EPHA6: variants seen among roughly 807,000 people sequenced by gnomAD.
EPHA6 encodes EPH receptor A6.
EPHA6 carries 50 observed loss-of-function variants against 112.0 expected under a neutral mutation model. That is an observed-to-expected ratio of 0.45 (90% confidence interval 0.36 to 0.56). EPHA6 has a LOEUF of 0.56. EPHA6 is among the 20% of genes least tolerant of loss of function. The pLI is 0.00. For synonymous variants in EPHA6, 529 were observed against 490.7 expected, an observed-to-expected ratio of 1.08 and a Z score of -1.03; for missense variants, 1,280 against 1,417.4, an observed-to-expected ratio of 0.90 and a Z score of 1.56.
chr3:97,270,863 C>A (rs2079854673), intron 5 of EPHA6, among the ~76,000 whole-genome samples: 2 of 152,160 alleles, frequency 1.3e-5, no homozygotes, highest in Admixed American at 1.3e-4. Context: ...CAGTAGTTAT[C>A]ATTGTACAAC....
intron 3 of EPHA6, among the ~76,000 whole-genome samples, chr3:97,191,105 A>C (rs1380048284): frequency 6.6e-6 from 1 of 152,016 alleles, no homozygotes; most frequent in Non-Finnish European, 1.5e-5. Flanking sequence ...AACTGCTTAG[A>C]ATAATTTGTA....
At chr3:97,187,497 G>C (rs969297518) in intron 3 of EPHA6, among the ~76,000 whole-genome samples, 3 of 151,584 alleles carry the variant, frequency 2.0e-5, no homozygotes, top group Non-Finnish European at 4.4e-5. Flanking sequence ...TTGAGCCCAG[G>C]GGGGCAGAGG....
chr3:97,331,799 C>T (rs974688676), intron 5 of EPHA6, among the ~76,000 whole-genome samples: 1 of 151,874 alleles, frequency 6.6e-6, no homozygotes, highest in East Asian at 1.9e-4. Context: ...GATTCACAGC[C>T]GAATTCACAG....
chr3:97,320,259 A>G (rs954455445), intron 5 of EPHA6, among the ~76,000 whole-genome samples: 1 of 152,104 alleles, frequency 6.6e-6, no homozygotes, highest in African/African-American at 2.4e-5. Context: ...GATATTGTTA[A>G]GGTTTTCTAC....
intron 4 of EPHA6, among the ~76,000 whole-genome samples, chr3:97,240,596 G>A (rs1244797372): frequency 6.6e-6 from 1 of 151,776 alleles, no homozygotes; most frequent in Middle Eastern, 3.4e-3. Context: ...TTTGTTTATG[G>A]GTTTAACATA....
At chr3:97,521,185 A>T (rs2092537137) in intron 10 of EPHA6, among the ~76,000 whole-genome samples, 1 of 147,564 alleles carries the variant, frequency 6.8e-6, no homozygotes, top group African/African-American at 2.5e-5. Flanking sequence ...TTTTTCTCTG[A>T]TTTTATAAAT....
At chr3:97,242,998 T>G (rs2078891570) in intron 4 of EPHA6, among the ~76,000 whole-genome samples, 1 of 151,858 alleles carries the variant, frequency 6.6e-6, no homozygotes, top group Non-Finnish European at 1.5e-5. Context: ...AATATTTGTT[T>G]AATGAACATT....
chr3:97,574,434 T>C (rs1205037770), intron 11 of EPHA6, among the ~76,000 whole-genome samples: 1 of 152,096 alleles, frequency 6.6e-6, no homozygotes, highest in Non-Finnish European at 1.5e-5. Flanking sequence ...AGAAACTGTG[T>C]ATTATTAGCA....
At chr3:97,013,624 A>G (rs986834396) in intron 3 of EPHA6, among the ~76,000 whole-genome samples, 2 of 152,192 alleles carry the variant, frequency 1.3e-5, no homozygotes, top group African/African-American at 4.8e-5. Context: ...GTACACTCAC[A>G]TGGAGGCCAT....
intron 4 of EPHA6, among the ~76,000 whole-genome samples, chr3:97,238,423 T>G (rs2078743342): frequency 6.6e-6 from 1 of 151,988 alleles, no homozygotes. Flanking sequence ...TGCACAAAAC[T>G]ATGCATTGCA....
At chr3:97,392,477 G>A (rs774068707) in intron 5 of EPHA6, among the ~76,000 whole-genome samples, 3 of 151,174 alleles carry the variant, frequency 2.0e-5, no homozygotes, top group African/African-American at 2.4e-5. Flanking sequence ...TAGGATTTGG[G>A]GGTATTGCTA....
intron 5 of EPHA6, among the ~76,000 whole-genome samples, chr3:97,367,603 T>C (rs1335051798): frequency 2.6e-5 from 4 of 152,060 alleles, no homozygotes; most frequent in South Asian, 2.1e-4. Context: ...GTTTCTAGCT[T>C]GGAATAAGCC....
At chr3:96,946,311 T>C (rs942212789) in intron 2 of EPHA6, among the ~76,000 whole-genome samples, 1 of 151,056 alleles carries the variant, frequency 6.6e-6, no homozygotes, top group African/African-American at 2.5e-5. Context: ...CTCCTAATGC[T>C]ATCCCTCCCC....
intron 14 of EPHA6, among the ~76,000 whole-genome samples, chr3:97,659,199 A>G (rs909131585): frequency 6.6e-6 from 1 of 151,982 alleles, no homozygotes; most frequent in Non-Finnish European, 1.5e-5. Context: ...TTAAGATATA[A>G]TTAGAAACAA....
chr3:96,850,535 A>G (rs2035321900), intron 1 of EPHA6, among the ~76,000 whole-genome samples: 1 of 152,118 alleles, frequency 6.6e-6, no homozygotes, highest in African/African-American at 2.4e-5. Flanking sequence ...TTTCCAGCAG[A>G]ATTTTCTTAA....
At chr3:97,067,967 A>G (rs2108146663) in intron 3 of EPHA6, among the ~76,000 whole-genome samples, 1 of 152,002 alleles carries the variant, frequency 6.6e-6, no homozygotes, top group South Asian at 2.1e-4. Flanking sequence ...CAACATGACA[A>G]AACTCCATCT....
chr3:97,396,851 T>C (rs949852792), intron 5 of EPHA6, among the ~76,000 whole-genome samples: 10 of 151,812 alleles, frequency 6.6e-5, no homozygotes, highest in South Asian at 2.1e-4. Context: ...TAATTTAGGA[T>C]TTCTTCAGCT....
chr3:97,423,523 ACTATTCATGTACAG>A (rs1433531199), intron 6 of EPHA6, among the ~76,000 whole-genome samples: 1 of 152,174 alleles, frequency 6.6e-6, no homozygotes, highest in African/African-American at 2.4e-5. Flanking sequence ...AAATGGAAAA[ACTATTCATGTACAG>A]GATAGAAAGA....
At chr3:96,861,795 A>G (rs2036023961) in intron 1 of EPHA6, among the ~76,000 whole-genome samples, 1 of 152,022 alleles carries the variant, frequency 6.6e-6, no homozygotes, top group South Asian at 2.1e-4. Flanking sequence ...AATTGATCTC[A>G]GGTTCTAGAT....
Sources: gnomAD v4.1 joint callset for allele counts (sites outside exome capture counted in the v4.1 genomes callset) on GRCh38, gnomAD v4.1.1 for gene constraint, MANE v1.5 for transcripts, NCBI Gene and HGNC (gene_info 2026-07-23, HGNC 2026-07-21) for gene names.